The following LRRTM3 variants were observed in gnomAD, a reference collection of about 807,000 sequenced individuals.
The protein encoded by LRRTM3 is leucine rich repeat transmembrane neuronal 3, also known as leucine-rich repeat transmembrane neuronal protein 3.
LRRTM3 carries 24 observed loss-of-function variants against 44.7 expected under a neutral mutation model. That is an observed-to-expected ratio of 0.54 (90% CI 0.39 to 0.76). LRRTM3 has a LOEUF of 0.76. Among genes scored for constraint, LRRTM3 ranks in the 30% least tolerant of loss-of-function variants. The pLI is 0.00. For missense variants in LRRTM3, 587 were observed against 702.2 expected (o/e 0.84, Z 1.85); for synonymous variants, 277 against 278.7 (o/e 0.99, Z 0.06).
intron 2 of LRRTM3, among the ~76,000 whole-genome samples, chr10:66,989,571 G>T (rs767211324): frequency 3.3e-5 from 5 of 152,118 alleles, no homozygotes; most frequent in Non-Finnish European, 7.4e-5. Flanking sequence ...ATCCATGTTA[G>T]CTAACAAACA....
In LRRTM3 at chr10:66,969,816, A is replaced by G. The variant is rs983943393; in HGVS notation, c.1536+41364A>G. On this transcript the variant is annotated intron_variant, in intron 2 of 2. Transcript: ENST00000361320. ...GAGGAGAAAAGCTGCCTCTCACAACATTCATAAGGCTTCCTGACCCTAGAG... is the reference window on the plus strand; with the variant it reads ...GAGGAGAAAAGCTGCCTCTCACAACGTTCATAAGGCTTCCTGACCCTAGAG... 1.4e-4 allele frequency among the ~76,000 whole-genome samples: 22 copies of G among 152,168 alleles called. 1 individual carries two copies. The highest frequency in any genetic ancestry group is 4.1e-4 in the African/African-American group (17 of 41,408).
intron 2 of LRRTM3, among the ~76,000 whole-genome samples, chr10:67,021,461 C>T (rs1051970098): frequency 6.6e-6 from 1 of 151,738 alleles, no homozygotes; most frequent in African/African-American, 2.4e-5. Context: ...ACCGTTCATA[C>T]AAAGAGTCAC....
chr10:67,068,213 T>C (rs546401420), intron 2 of LRRTM3, among the ~76,000 whole-genome samples: 2 of 152,078 alleles, frequency 1.3e-5, no homozygotes, highest in African/African-American at 4.8e-5. Context: ...AGAAGGTGGA[T>C]TGGACCTGGG....
Position 66,926,288 on chromosome 10 carries a change from C to T in LRRTM3, c.-296C>T, listed in dbSNP as rs1007839800. On this transcript the variant is annotated 5_prime_UTR_variant, in exon 1 of 3. Coordinates refer to ENST00000361320, the MANE Select transcript of LRRTM3 (RefSeq NM_178011.5). ...TTTTTTTTTAACCGCCCCCTCCCCA[C>T]CCCCCAAAAAACTGTAAAGATGCAA... is the stretch of plus-strand genomic sequence containing the variant. 5 of 504,864 alleles carry T rather than the reference C, an allele frequency of 9.9e-6. No individual in the cohort carries two copies. The highest frequency in any genetic ancestry group is 2.0e-5 in the African/African-American group (1 of 49,196). The allele number at this position is 504,864 out of a possible 1,614,324, so 31.3% of individuals were successfully genotyped here.
chr10:66,948,686 C>T (rs1280340782), intron 2 of LRRTM3, among the ~76,000 whole-genome samples: 4 of 152,042 alleles, frequency 2.6e-5, no homozygotes. Flanking sequence ...ACTGGTAAAC[C>T]ACATATGCAA....
chr10:67,017,826 G>A (rs1428826275), intron 2 of LRRTM3, among the ~76,000 whole-genome samples: 3 of 151,976 alleles, frequency 2.0e-5, no homozygotes, highest in African/African-American at 7.3e-5. Flanking sequence ...CTGGAATATA[G>A]TGGCCCAATC....
intron 2 of LRRTM3, among the ~76,000 whole-genome samples, chr10:66,960,939 T>C (rs1371652667): frequency 6.6e-6 from 1 of 152,158 alleles, no homozygotes; most frequent in South Asian, 2.1e-4. Flanking sequence ...TAAGGACTAC[T>C]AGTTAATCAC....
At chr10:67,086,078 A>G (rs1857292801) in intron 2 of LRRTM3, among the ~76,000 whole-genome samples, 1 of 152,032 alleles carries the variant, frequency 6.6e-6, no homozygotes, top group African/African-American at 2.4e-5. Context: ...ATATTCAATA[A>G]TGATGGATGG....
chr10:67,011,612 T>A (rs1852344242), intron 2 of LRRTM3, among the ~76,000 whole-genome samples: 1 of 152,176 alleles, frequency 6.6e-6, no homozygotes, highest in African/African-American at 2.4e-5. Flanking sequence ...CTAAAATTTT[T>A]AGTAGAATTT....
At chr10:66,951,003 C>A (rs1056448985) in intron 2 of LRRTM3, among the ~76,000 whole-genome samples, 1 of 151,870 alleles carries the variant, frequency 6.6e-6, no homozygotes, top group Admixed American at 6.6e-5. Flanking sequence ...AGATGGTATG[C>A]TTATTTAAAT....
At chr10:67,065,494 T>C (rs1366685342) in intron 2 of LRRTM3, among the ~76,000 whole-genome samples, 3 of 152,128 alleles carry the variant, frequency 2.0e-5, no homozygotes, top group African/African-American at 7.2e-5. Context: ...AGAAACTAGC[T>C]AGCTTCCCAC....
intron 2 of LRRTM3, among the ~76,000 whole-genome samples, chr10:66,958,262 T>C (rs888033521): frequency 6.7e-6 from 1 of 149,560 alleles, no homozygotes; most frequent in African/African-American, 2.5e-5. Context: ...TTAGCATTTA[T>C]TGGTTAACAA....
chr10:67,055,389 A>G (rs1855361294), intron 2 of LRRTM3, among the ~76,000 whole-genome samples: 1 of 152,062 alleles, frequency 6.6e-6, no homozygotes, highest in Admixed American at 6.6e-5. Flanking sequence ...CACAGAAAGC[A>G]GTCATGGACA....
chr10:66,941,054 G>A (rs1403393294), intron 2 of LRRTM3, among the ~76,000 whole-genome samples: 1 of 152,170 alleles, frequency 6.6e-6, no homozygotes, highest in Non-Finnish European at 1.5e-5. Context: ...TCTTAAAGAC[G>A]ATGGGGGAAA....
chr10:67,016,692 C>T (rs1434551106), intron 2 of LRRTM3, among the ~76,000 whole-genome samples: 1 of 152,190 alleles, frequency 6.6e-6, no homozygotes, highest in Non-Finnish European at 1.5e-5. Flanking sequence ...GAGTCAACAT[C>T]TCTTAGTGGG....
At chr10:67,050,780 G>A (rs1481042418) in intron 2 of LRRTM3, among the ~76,000 whole-genome samples, 1 of 152,180 alleles carries the variant, frequency 6.6e-6, no homozygotes, top group Non-Finnish European at 1.5e-5. Context: ...TTTAAAATGA[G>A]GTAGGTTGTG....
chr10:67,080,936 CAAAAA>C (rs58476986), intron 2 of LRRTM3, among the ~76,000 whole-genome samples: 5 of 31,430 alleles, frequency 1.6e-4, no homozygotes, highest in African/African-American at 8.8e-4. Context: ...AAAAAAACAA[CAAAAA>C]AAAAAAAACA....
chr10:67,028,923 C>G (rs978650822), intron 2 of LRRTM3, among the ~76,000 whole-genome samples: 2 of 152,106 alleles, frequency 1.3e-5, no homozygotes, highest in African/African-American at 4.8e-5. Context: ...TAAGGCAAAA[C>G]TCAACTTTTT....
In LRRTM3 at chr10:66,998,282, C is replaced by CAT. The variant is rs201445936; in HGVS notation, c.1536+69832_1536+69833dup. Among the ~76,000 whole-genome samples the CAT allele has an allele frequency of 9.0e-3, 1,373 of 152,272 alleles. 20 individuals carry two copies. Among genetic ancestry groups the CAT allele is most frequent in the African/African-American group, 0.031 (1,288 of 41,570 alleles). ...GCCTCCTTACTCTATGTTTACTTAG[C>CAT]ATACACTGTTGTTTTAGTACTAGTT... On this transcript the variant is annotated intron_variant, in intron 2 of 2. Transcript: ENST00000361320.
Sources: gnomAD v4.1 joint callset for allele counts (sites outside exome capture counted in the v4.1 genomes callset) on GRCh38, gnomAD v4.1.1 for gene constraint, MANE v1.5 for transcripts, NCBI Gene and HGNC (gene_info 2026-07-23, HGNC 2026-07-21) for gene names.